KAZN: variants seen among roughly 807,000 people sequenced by gnomAD.
The protein encoded by KAZN is kazrin.
Under a neutral mutation model 87.4 loss-of-function variants are expected in KAZN, and 40 were observed. That is an observed-to-expected ratio of 0.46 (90% CI 0.36 to 0.60). The LOEUF (loss-of-function observed/expected upper bound fraction) is 0.60. KAZN is among the 20% of genes least tolerant of loss of function. The pLI, the probability that KAZN is intolerant of heterozygous loss-of-function variation, is 0.00. For missense variants in KAZN, 898 were observed against 1,073.9 expected, an observed-to-expected ratio of 0.84 and a Z score of 2.29; for synonymous variants, 466 against 458.3, an observed-to-expected ratio of 1.02 and a Z score of -0.22.
intron 1 of KAZN, among the ~76,000 whole-genome samples, chr1:14,754,092 G>T (rs1365814873): frequency 6.6e-6 from 1 of 152,220 alleles, no homozygotes; most frequent in Non-Finnish European, 1.5e-5. Context: ...CAGAGAGGGA[G>T]ATCCATGTGG....
At chr1:14,313,201 T>C (rs1021525871) in intron 2 of KAZN, among the ~76,000 whole-genome samples, 15 of 152,120 alleles carry the variant, frequency 9.9e-5, no homozygotes, top group African/African-American at 3.6e-4. Context: ...TGCTCTATAC[T>C]TCATGGTCCC....
At chr1:13,954,254 C>A (rs1450085299) in intron 1 of KAZN, among the ~76,000 whole-genome samples, 3 of 152,144 alleles carry the variant, frequency 2.0e-5, no homozygotes, top group Middle Eastern at 3.2e-3. Flanking sequence ...AACAAACAAA[C>A]AAAAAAACCA....
intron 1 of KAZN, among the ~76,000 whole-genome samples, chr1:13,949,032 T>C (rs891670715): frequency 1.3e-5 from 2 of 152,178 alleles, no homozygotes; most frequent in Non-Finnish European, 2.9e-5. Context: ...GTTCAATAAA[T>C]ACGCTGATAA....
intron 1 of KAZN, among the ~76,000 whole-genome samples, chr1:14,846,020 A>T (rs572366341): frequency 6.6e-6 from 1 of 152,154 alleles, no homozygotes; most frequent in Non-Finnish European, 1.5e-5. Flanking sequence ...GATTTATGTC[A>T]TGCTCCATCG....
chr1:14,442,643 G>T (rs1312916398), intron 2 of KAZN, among the ~76,000 whole-genome samples: 1 of 152,214 alleles, frequency 6.6e-6, no homozygotes, highest in African/African-American at 2.4e-5. Context: ...ACACTTGGAG[G>T]TGAGCCAGGC....
At chr1:13,973,940 C>T (rs1156756960) in intron 1 of KAZN, among the ~76,000 whole-genome samples, 4 of 152,202 alleles carry the variant, frequency 2.6e-5, no homozygotes, top group African/African-American at 9.7e-5. Context: ...ATTCCTAAGA[C>T]TATGCATATC....
chr1:14,250,843 A>G (rs1038673269), intron 2 of KAZN, among the ~76,000 whole-genome samples: 24 of 152,064 alleles, frequency 1.6e-4, no homozygotes, highest in Non-Finnish European at 3.4e-4. Flanking sequence ...TAATAGCAAA[A>G]AAGAAGAAAC....
chr1:14,515,890 C>T (rs1245786688), intron 2 of KAZN, among the ~76,000 whole-genome samples: 2 of 152,088 alleles, frequency 1.3e-5, no homozygotes, highest in Non-Finnish European at 2.9e-5. Context: ...TTTCTCCCAA[C>T]TAAAAAGAAA....
intron 2 of KAZN, among the ~76,000 whole-genome samples, chr1:14,493,531 G>A (rs1669790329): frequency 6.6e-6 from 1 of 152,126 alleles, no homozygotes; most frequent in African/African-American, 2.4e-5. Flanking sequence ...CTCCCACAAT[G>A]TATGTTGTTT....
chr1:14,680,887 T>C (rs546024642), intron 1 of KAZN, among the ~76,000 whole-genome samples: 1 of 152,328 alleles, frequency 6.6e-6, no homozygotes, highest in South Asian at 2.1e-4. Flanking sequence ...AGAGCCTTCA[T>C]TGGCTCCTGG....
rs1643168936 is a variant in KAZN at position 14,069,808 on chromosome 1, C to A, written c.92-110627C>A. 2.0e-5 allele frequency among the ~76,000 whole-genome samples: 3 copies of A among 152,150 alleles called. No homozygotes were observed. The East Asian group carries it at 5.8e-4, about 29-fold the overall frequency. On this transcript the variant is annotated intron_variant, in intron 1 of 16. Transcript: ENST00000636203. ...TTCCTTATTAGCCACAAGACAAGGC[C>A]ATCCTAGGAGAAAGCTGGGGGCCAC...
chr1:15,093,147 A>C (rs577747751), intron 8 of KAZN, among the ~76,000 whole-genome samples: 2 of 152,280 alleles, frequency 1.3e-5, no homozygotes, highest in East Asian at 3.9e-4. Flanking sequence ...CCGCGCAGTC[A>C]AAAGGTACCG....
At chr1:14,000,450 T>C (rs895755950) in intron 1 of KAZN, among the ~76,000 whole-genome samples, 4 of 152,208 alleles carry the variant, frequency 2.6e-5, no homozygotes, top group Admixed American at 1.3e-4. Context: ...AAAAACTACA[T>C]GATTATTTCA....
chr1:14,210,210 T>C (rs1646826299), intron 2 of KAZN, among the ~76,000 whole-genome samples: 2 of 152,162 alleles, frequency 1.3e-5, no homozygotes, highest in South Asian at 4.1e-4. Flanking sequence ...GTTCTTGTGA[T>C]GGTGAATAAG....
intron 4 of KAZN, among the ~76,000 whole-genome samples, chr1:15,050,509 G>A (rs778864295): frequency 3.9e-5 from 6 of 152,214 alleles, no homozygotes; most frequent in Non-Finnish European, 8.8e-5. Flanking sequence ...TGAGGGATGA[G>A]CGGGCGGAGA....
intron 1 of KAZN, among the ~76,000 whole-genome samples, chr1:14,719,090 C>T (rs1642958503): frequency 6.6e-6 from 1 of 152,182 alleles, no homozygotes; most frequent in African/African-American, 2.4e-5. Context: ...AGGACCAACC[C>T]ACACTCAACT....
At chr1:14,401,898 T>C (rs1041800455) in intron 2 of KAZN, among the ~76,000 whole-genome samples, 5 of 152,026 alleles carry the variant, frequency 3.3e-5, no homozygotes, top group African/African-American at 1.2e-4. Flanking sequence ...GCAAACGTCA[T>C]ATTAAGAGTG....
intron 5 of KAZN, among the ~76,000 whole-genome samples, chr1:15,059,102 C>CTT (rs1211831810): frequency 0.021 from 2,890 of 140,302 alleles, 60 homozygotes; most frequent in South Asian, 0.063. Flanking sequence ...AAAACAGGCA[C>CTT]TTTTTTTTTT....
At chr1:15,109,753 ATGTTTGTG>A (rs1191680541) in intron 13 of KAZN, among the ~76,000 whole-genome samples, 4 of 142,886 alleles carry the variant, frequency 2.8e-5, no homozygotes, top group Non-Finnish European at 6.0e-5. Context: ...TTGTGTTTGT[ATGTTTGTG>A]TCTGTATGTC....
Sources: gnomAD v4.1 joint callset for allele counts (sites outside exome capture counted in the v4.1 genomes callset) on GRCh38, gnomAD v4.1.1 for gene constraint, MANE v1.5 for transcripts, NCBI Gene and HGNC (gene_info 2026-07-23, HGNC 2026-07-21) for gene names.